Variants in ICA1 observed in about 807,000 individuals in gnomAD.
The protein encoded by ICA1 is 69 kDa islet cell autoantigen.
ICA1 carries 40 observed loss-of-function variants against 71.0 expected under a neutral mutation model. That is an observed-to-expected ratio of 0.56 (90% CI 0.44 to 0.73). ICA1 has a LOEUF of 0.73. Ranked by LOEUF, ICA1 falls within the 30% of genes least tolerant of loss-of-function variation. The probability of loss-of-function intolerance (pLI) is 0.00; values close to 1 mark genes in which losing one functional copy is unlikely to be tolerated. For synonymous variants in ICA1, 207 were observed against 209.5 expected, an observed-to-expected ratio of 0.99 and a Z score of 0.10; for missense variants, 578 against 576.5, an observed-to-expected ratio of 1.00 and a Z score of -0.03.
intron 4 of ICA1, among the ~76,000 whole-genome samples, chr7:8,221,876 G>A (rs1038135283): frequency 2.6e-5 from 4 of 152,106 alleles, no homozygotes; most frequent in Non-Finnish European, 5.9e-5. Flanking sequence ...TGTGACACAG[G>A]TTTTTGGTTG....
chr7:8,249,011 C>T (rs536353801), intron 1 of ICA1, among the ~76,000 whole-genome samples: 30 of 152,292 alleles, frequency 2.0e-4, no homozygotes, highest in African/African-American at 6.7e-4. Flanking sequence ...TGATAAAATG[C>T]AGAGTAATTC....
intron 6 of ICA1, among the ~76,000 whole-genome samples, chr7:8,205,756 G>C (rs1306245363): frequency 2.0e-5 from 3 of 152,218 alleles, no homozygotes; most frequent in Non-Finnish European, 4.4e-5. Context: ...GAAATCGCTA[G>C]ATTGAGAGAA....
rs114824085 is a variant in ICA1, at chr7:8,214,876, G to T, written c.579+3429C>A. Among the ~76,000 whole-genome samples the T allele has an allele frequency of 1.6e-4, 24 of 152,280 alleles. No homozygotes were observed. In the East Asian group the frequency reaches 4.4e-3, roughly 28 times the overall value. On this transcript the variant is annotated intron_variant, in intron 6 of 13. Coordinates refer to ENST00000402384, the MANE Select transcript of ICA1 (RefSeq NM_001136020.3). ...GAAGTGAAAATACACTTGAACTTGC[G>T]ATTTATTTATGCTTATTCTACTTAT...
rs1032248647 is a variant in ICA1, at chr7:8,128,145, G to A, written c.1061-3C>T. The stretch of plus-strand genomic sequence containing the variant: ...CCCTGCCACTGGTCCCAGGCAAGCT[G>A]ATTGAAGTAACAGAGAACAAAACGT... On this transcript the variant is annotated splice_polypyrimidine_tract_variant and splice_region_variant and intron_variant, in intron 12 of 13. Transcript: ENST00000402384. 6.2e-7 allele frequency: 1 copy of A among 1,613,462 alleles called. No homozygotes were observed. The highest frequency in any genetic ancestry group is 1.3e-5 in the African/African-American group (1 of 74,926).
chr7:8,157,548 C>T (rs1802075373), intron 7 of ICA1: 1 of 274,972 alleles, frequency 3.6e-6, no homozygotes, highest in Non-Finnish European at 6.7e-6. Context: ...GATTCTATTT[C>T]TCCCTCTTTA....
intron 1 of ICA1, among the ~76,000 whole-genome samples, chr7:8,256,535 C>T (rs533958563): frequency 6.6e-6 from 1 of 152,286 alleles, no homozygotes; most frequent in East Asian, 1.9e-4. Flanking sequence ...GAATTTACAT[C>T]AAGACTCTCC....
chr7:8,123,784 G>A lies in ICA1; in HGVS notation c.1330+4089C>T, dbSNP rs1398329815. Among the ~76,000 whole-genome samples the A allele has an allele frequency of 6.6e-6, 1 of 152,154 alleles. No homozygotes were observed. The highest frequency in any genetic ancestry group is 1.5e-5 in the Non-Finnish European group (1 of 68,026). On this transcript the variant is annotated intron_variant, in intron 13 of 13. Coordinates refer to ENST00000402384, the MANE Select transcript of ICA1 (RefSeq NM_001136020.3). This position sits in a 1 kb window ranked among gnomAD's most constrained non-coding sequence, Gnocchi z 4.1. ...AAGAGAGGTCTGAAGAGCCCCACTG[G>A]GAAATCCCTTTTGCTCTCAGAGACT...
intron 12 of ICA1, among the ~76,000 whole-genome samples, chr7:8,138,136 T>G (rs1794038179): frequency 6.6e-6 from 1 of 152,184 alleles, no homozygotes; most frequent in African/African-American, 2.4e-5. Flanking sequence ...ACCCTCTCAA[T>G]GTCTTAGGAT....
intron 6 of ICA1, among the ~76,000 whole-genome samples, 183 bp downstream of exon 6, chr7:8,218,122 T>G (rs1435677161): frequency 6.6e-6 from 1 of 152,228 alleles, no homozygotes; most frequent in African/African-American, 2.4e-5. Flanking sequence ...GTCTCTTCTA[T>G]CTTATCCTTT....
chr7:8,171,376 G>A (rs1247661992), intron 6 of ICA1, among the ~76,000 whole-genome samples: 2 of 151,830 alleles, frequency 1.3e-5, no homozygotes, highest in East Asian at 1.9e-4. Context: ...TTGGTAGCTT[G>A]TCTTTAAAGG....
At chr7:8,197,953 G>A (rs1337548168) in intron 6 of ICA1, among the ~76,000 whole-genome samples, 1 of 152,138 alleles carries the variant, frequency 6.6e-6, no homozygotes, top group African/African-American at 2.4e-5. Flanking sequence ...GAAAATATAT[G>A]TTATACATAA....
chr7:8,175,751 A>G (rs1780410738), intron 6 of ICA1, among the ~76,000 whole-genome samples: 1 of 152,214 alleles, frequency 6.6e-6, no homozygotes, highest in Non-Finnish European at 1.5e-5. Flanking sequence ...ACCTAGAAAA[A>G]CAGAGCACAC....
chr7:8,196,228 T>C (rs1471054837), intron 6 of ICA1, among the ~76,000 whole-genome samples: 1 of 152,206 alleles, frequency 6.6e-6, no homozygotes, highest in Non-Finnish European at 1.5e-5. Context: ...TTTAAGTACA[T>C]ATTACTAAGT....
chr7:8,118,481 T>G lies in ICA1; in HGVS notation c.1331-4437A>C, dbSNP rs111387949. On this transcript the variant is annotated intron_variant, in intron 13 of 13. Coordinates refer to ENST00000402384, the MANE Select transcript of ICA1 (RefSeq NM_001136020.3). ...GCTGTTCTCTTACAGTGGGTGAAGT[T>G]TTGGCATATAAATTATACTGCAATA... 1.1e-4 allele frequency among the ~76,000 whole-genome samples: 16 copies of G among 152,300 alleles called. 1 individual carries two copies. The highest frequency in any genetic ancestry group is 4.6e-4 in the Admixed American group (7 of 15,290).
chr7:8,218,890 T>C lies in ICA1; in HGVS notation c.381-387A>G, dbSNP rs570808954. 1.5e-3 allele frequency: 463 copies of C among 315,878 alleles called. 2 individuals are homozygous for C. Among genetic ancestry groups the C allele is most frequent in the Admixed American group, 4.0e-3 (89 of 22,014 alleles). 19.6% of individuals were successfully genotyped at this position (315,878 alleles called of 1,614,324 possible). A position where few individuals can be genotyped will look rare whatever the true frequency, so the allele number is the denominator to read the frequency against. ...GCCCTTTGAGGAGGAATGGAGCGTATGTGATTAGCATCTCTCCGACTAGGC... is the reference window on the plus strand; with the variant it reads ...GCCCTTTGAGGAGGAATGGAGCGTACGTGATTAGCATCTCTCCGACTAGGC... On this transcript the variant is annotated intron_variant, in intron 5 of 13. Coordinates refer to ENST00000402384, the MANE Select transcript of ICA1 (RefSeq NM_001136020.3).
intron 6 of ICA1, among the ~76,000 whole-genome samples, chr7:8,195,953 G>A (rs1161480930): frequency 6.6e-6 from 1 of 151,716 alleles, no homozygotes; most frequent in Non-Finnish European, 1.5e-5. Context: ...ACTCCAGCCT[G>A]GGCAACAGAG....
At chr7:8,189,282 A>T (rs1464989683) in intron 6 of ICA1, among the ~76,000 whole-genome samples, 1 of 152,210 alleles carries the variant, frequency 6.6e-6, no homozygotes, top group Admixed American at 6.5e-5. Context: ...AGCTTTGATC[A>T]ATTGGGGTCA....
intron 10 of ICA1, among the ~76,000 whole-genome samples, chr7:8,140,548 G>A (rs1794859907): frequency 1.3e-5 from 2 of 152,190 alleles, no homozygotes; most frequent in African/African-American, 2.4e-5. Flanking sequence ...GATTACTTTG[G>A]TAATGATTAG....
rs775202995 is a variant in ICA1, at chr7:8,130,404, A to G, written c.1061-2262T>C. On this transcript the variant is annotated intron_variant, in intron 12 of 13. Coordinates refer to ENST00000402384, the MANE Select transcript of ICA1 (RefSeq NM_001136020.3). The surrounding 1 kb of genome is among the most constrained non-coding windows in gnomAD (Gnocchi z 4.2). Reference sequence around the variant, plus strand: ...TTCGCAGCTCAGGATGTGTCCATCAACACCTGTATCTACGCATGCTCCCCT... The same window carrying G: ...TTCGCAGCTCAGGATGTGTCCATCAGCACCTGTATCTACGCATGCTCCCCT... Among the ~76,000 whole-genome samples, 41 of 152,232 alleles carry G rather than the reference A, an allele frequency of 2.7e-4. No homozygotes were observed. Among genetic ancestry groups the G allele is most frequent in the Admixed American group, 5.9e-4 (9 of 15,290 alleles).
Sources: gnomAD v4.1 joint callset for allele counts (sites outside exome capture counted in the v4.1 genomes callset) on GRCh38, gnomAD v4.1.1 for gene constraint, Gnocchi (gnomAD v3.1) non-coding constraint, MANE v1.5 for transcripts, NCBI Gene and HGNC (gene_info 2026-07-23, HGNC 2026-07-21) for gene names.